The following PIEZO1 variants were observed in gnomAD, a reference collection of about 807,000 sequenced individuals.
PIEZO1 encodes piezo-type mechanosensitive ion channel component 1.
Under a neutral mutation model 297.2 loss-of-function variants are expected in PIEZO1, and 296 were observed. The observed-to-expected ratio is 1.00, with a 90% CI of 0.91 to 1.10. The LOEUF is 1.10. Among genes scored for constraint, PIEZO1 ranks in the 50% least tolerant of loss-of-function variants. The pLI is 0.00. For missense variants in PIEZO1, 5,018 were observed against 3,455.5 expected (o/e 1.45, Z -11.34); for synonymous variants, 2,427 against 1,507.5 (o/e 1.61, Z -14.13).
chr16:88,760,448 A>T (rs1199354704), intron 1 of PIEZO1, among the ~76,000 whole-genome samples: 1 of 152,278 alleles, frequency 6.6e-6, no homozygotes, highest in African/African-American at 2.4e-5. Context: ...AGACCTTTGA[A>T]CCAACCCCTG....
At chr16:88,756,883 T>C (rs1046543179) in intron 1 of PIEZO1, among the ~76,000 whole-genome samples, 3 of 152,116 alleles carry the variant, frequency 2.0e-5, no homozygotes, top group South Asian at 2.1e-4. Context: ...GAGACCATCC[T>C]GGCCAACATG....
chr16:88,740,410 G>A (rs1298185834), intron 5 of PIEZO1: 3 of 152,458 alleles, frequency 2.0e-5, no homozygotes, highest in East Asian at 3.9e-4. Flanking sequence ...ACTCTAGGAA[G>A]CTCATGCCCC....
intron 44 of PIEZO1, 79 bp downstream of exon 44, chr16:88,719,495 T>C: frequency 7.3e-7 from 1 of 1,374,768 alleles, no homozygotes; most frequent in South Asian, 1.3e-5. Flanking sequence ...CCACGGGTTC[T>C]CGTGGCAGCA....
chr16:88,717,519 C>A (rs761304215), intron 44 of PIEZO1: 3 of 543,788 alleles, frequency 5.5e-6, no homozygotes, highest in African/African-American at 3.7e-5. Context: ...CTGCCTCATA[C>A]CATGTGCCAA....
rs536572416 is a variant in PIEZO1, at chr16:88,716,726, G to A, written c.6759C>T (p.Ala2253=). The change falls in exon 47 of 51, where the codon GCC becomes GCT. Residue 2253 remains alanine (A), a synonymous_variant. Transcript: ENST00000301015. ...GGCTGTACTGGCTGATGAACTGCATGGCCAGCTGGGTACAAGTGACACCCT... is the reference window on the plus strand; with the variant it reads ...GGCTGTACTGGCTGATGAACTGCATAGCCAGCTGGGTACAAGTGACACCCT... The part of the protein sequence containing the change: ...LSRQFDPQPL[A]MQFISQYSPE... The A allele has an allele frequency of 6.5e-6, 10 of 1,548,032 alleles. No individual in the cohort carries two copies. Among genetic ancestry groups the A allele is most frequent in the Admixed American group, 2.0e-5 (1 of 51,012 alleles).
chr16:88,776,133 G>A (rs1316211507), intron 1 of PIEZO1, among the ~76,000 whole-genome samples: 3 of 152,204 alleles, frequency 2.0e-5, no homozygotes, highest in Non-Finnish European at 4.4e-5. Flanking sequence ...ACACTGTGGT[G>A]CACAGAAGGA....
chr16:88,723,094 C>A lies in PIEZO1; in HGVS notation c.4495+1G>T. On this transcript the variant is annotated splice_donor_variant, in intron 33 of 50. Transcript: ENST00000301015. LOFTEE classifies it high-confidence loss of function. The stretch of plus-strand genomic sequence containing the variant: ...CACTCCCCAGCCCCGGGCCCACGTA[C>A]CTGCCGCTGCCTCCTCGGGGCCCTC... 6.5e-7 allele frequency: 1 copy of A among 1,547,794 alleles called. No individual in the cohort carries two copies. Among genetic ancestry groups the A allele is most frequent in the Non-Finnish European group, 8.7e-7 (1 of 1,146,624 alleles).
At chr16:88,783,269 C>T (rs559905230) in intron 1 of PIEZO1, among the ~76,000 whole-genome samples, 2 of 152,346 alleles carry the variant, frequency 1.3e-5, no homozygotes, top group South Asian at 2.1e-4. Context: ...GCCACAGAAT[C>T]GGGCTCAACA....
intron 1 of PIEZO1, among the ~76,000 whole-genome samples, chr16:88,764,373 G>C (rs1271032022): frequency 6.6e-6 from 1 of 152,162 alleles, no homozygotes; most frequent in Non-Finnish European, 1.5e-5. Context: ...TTCTTAGGCT[G>C]AGGTTCATCC....
At chr16:88,769,973 C>T (rs2142897540) in intron 1 of PIEZO1, among the ~76,000 whole-genome samples, 1 of 152,320 alleles carries the variant, frequency 6.6e-6, no homozygotes. Context: ...CTCTGAGGCC[C>T]TCCTAACCTA....
At position 88,727,538 on chromosome 16, in the gene PIEZO1, G is replaced by A. The variant is rs1370626720; in HGVS notation, c.3301+19C>T. On this transcript the variant is annotated intron_variant, in intron 23 of 50. Coordinates refer to ENST00000301015, the MANE Select transcript of PIEZO1 (RefSeq NM_001142864.4). ...TCTGAGGGTCCTCTGCAGAGGCGGGGGTGGTGGGGGGCACTCACTGATGAG... is the reference window on the plus strand; with the variant it reads ...TCTGAGGGTCCTCTGCAGAGGCGGGAGTGGTGGGGGGCACTCACTGATGAG... 4 of 1,000,476 alleles carry A rather than the reference G, an allele frequency of 4.0e-6. No homozygotes were observed. In the East Asian group the frequency reaches 7.9e-5, roughly 20 times the overall value. The allele number at this position is 1,000,476 out of a possible 1,614,324, so 62.0% of individuals were successfully genotyped here.
At chr16:88,759,770 C>A (rs1300271312) in intron 1 of PIEZO1, among the ~76,000 whole-genome samples, 1 of 152,176 alleles carries the variant, frequency 6.6e-6, no homozygotes, top group African/African-American at 2.4e-5. Context: ...GCCAGCCCGC[C>A]CCCAGACGCC....
At chr16:88,767,981 C>T (rs1907250076) in intron 1 of PIEZO1, among the ~76,000 whole-genome samples, 1 of 152,234 alleles carries the variant, frequency 6.6e-6, no homozygotes, top group African/African-American at 2.4e-5. Context: ...GGGTCCAGAC[C>T]CCAGGTCCCT....
chr16:88,733,570 G>A lies in PIEZO1; in HGVS notation c.2487+18C>T, dbSNP rs986413987. ...GACCCCACCCCAGATGGGAAGCTGAGTTGCCTGCCACACTCACCTCCTTCA... is the reference window on the plus strand; with the variant it reads ...GACCCCACCCCAGATGGGAAGCTGAATTGCCTGCCACACTCACCTCCTTCA... On this transcript the variant is annotated intron_variant, in intron 18 of 50. Transcript: ENST00000301015. 1 of 1,531,402 alleles carries A rather than the reference G, an allele frequency of 6.5e-7. No homozygotes were observed. The allele number at this position is 1,531,402 out of a possible 1,614,324, so 94.9% of individuals were successfully genotyped here.
chr16:88,715,583 T>C lies in PIEZO1; in HGVS notation c.*22A>G. On this transcript the variant is annotated 3_prime_UTR_variant, in exon 51 of 51. Transcript: ENST00000301015. Reference sequence around the variant, plus strand: ...CTGCCCAGCAGGCCGGCTCCTTCCCTCTCGGGCGCCAGCAGCAGCTCCTAC... The same window carrying C: ...CTGCCCAGCAGGCCGGCTCCTTCCCCCTCGGGCGCCAGCAGCAGCTCCTAC... 2 of 1,545,206 alleles carry C rather than the reference T, an allele frequency of 1.3e-6. No individual in the cohort carries two copies. The highest frequency in any genetic ancestry group is 1.7e-6 in the Non-Finnish European group (2 of 1,144,700).
chr16:88,774,094 C>G (rs1436497164), intron 1 of PIEZO1, among the ~76,000 whole-genome samples: 1 of 152,222 alleles, frequency 6.6e-6, no homozygotes, highest in African/African-American at 2.4e-5. Flanking sequence ...ACAGCAGGAA[C>G]CGGTCACCAG....
At chr16:88,744,623 T>C (rs2340962) in intron 2 of PIEZO1, among the ~76,000 whole-genome samples, 2,824 of 150,412 alleles carry the variant, frequency 0.019, 75 homozygotes, top group East Asian at 0.093. Context: ...ACATCTCGGA[T>C]GTCACTGCTT....
At chr16:88,766,921 A>C (rs1907206312) in intron 1 of PIEZO1, among the ~76,000 whole-genome samples, 1 of 152,158 alleles carries the variant, frequency 6.6e-6, no homozygotes, top group South Asian at 2.1e-4. Context: ...CTTTCCATGA[A>C]ATCTCAGAGA....
At chr16:88,750,058 G>T (rs937198434) in intron 1 of PIEZO1, among the ~76,000 whole-genome samples, 4 of 151,674 alleles carry the variant, frequency 2.6e-5, no homozygotes, top group African/African-American at 9.7e-5. Context: ...TTCTTGGCTG[G>T]GTGTGGTGGC....
Sources: gnomAD v4.1 joint callset for allele counts (sites outside exome capture counted in the v4.1 genomes callset) on GRCh38, gnomAD v4.1.1 for gene constraint, MANE v1.5 for transcripts, NCBI Gene and HGNC (gene_info 2026-07-23, HGNC 2026-07-21) for gene names.